The following UNC80 variants were observed in gnomAD, a reference collection of about 807,000 sequenced individuals.
UNC80 encodes unc-80 subunit of NALCN channel complex.
A neutral mutation model predicts 384.6 loss-of-function variants in UNC80; 164 were observed. The ratio of observed to expected loss-of-function variants is 0.43; its 90% CI spans 0.38 to 0.49. The LOEUF (loss-of-function observed/expected upper bound fraction) is 0.49, where lower values mean the gene tolerates loss of function less well. Among genes scored for constraint, UNC80 ranks in the 20% least tolerant of loss-of-function variants. UNC80 has a pLI of 0.00. For missense variants in UNC80, 3,330 were observed against 4,143.0 expected (o/e 0.80, Z 5.39); for synonymous variants, 1,486 against 1,527.8 (o/e 0.97, Z 0.64).
Position 209,815,340 on chromosome 2 carries a change from A to C in UNC80, c.1284A>C (p.Arg428Ser). 1 of 1,551,710 alleles carries C rather than the reference A, an allele frequency of 6.4e-7. No homozygotes were observed. ...AGGTTTCACTGACCAATCTGCGTAGATCTGCAGTCCCAGATCTTTCTTCAG... is the reference window on the plus strand; with the variant it reads ...AGGTTTCACTGACCAATCTGCGTAGCTCTGCAGTCCCAGATCTTTCTTCAG... ...FSKVSLTNLR[R>S]SAVPDLSSDL... Residue 428 changes from arginine to serine, a missense_variant, in exon 9 of 65, where the codon AGA becomes AGC. This residue lies in a region of UNC80 where 937 missense variants were observed against 1,026.8 expected (regional missense o/e 0.91). Coordinates refer to ENST00000673920, the MANE Select transcript of UNC80 (RefSeq NM_001371986.1).
At chr2:209,844,481 TTCCTTCCTTCCTTCCTTCCTTCC>T (rs1559185985) in intron 21 of UNC80, among the ~76,000 whole-genome samples, 35 of 62,756 alleles carry the variant, frequency 5.6e-4, no homozygotes, top group East Asian at 1.9e-3. Flanking sequence ...CTTTCTTTCC[TTCCTTCCTTCCTTCCTTCCTTCC>T]TTCCTTCCTT....
rs1050627019 is a variant in UNC80, at chr2:209,936,364, T to C, written c.6274-480T>C. On this transcript the variant is annotated intron_variant, in intron 40 of 64. Transcript: ENST00000673920. Reference sequence around the variant, plus strand: ...GAGATACTAGTTCAGGTTATACAAGTTATCTATGCCTAGTATATAGTATAT... The same window carrying C: ...GAGATACTAGTTCAGGTTATACAAGCTATCTATGCCTAGTATATAGTATAT... Among the ~76,000 whole-genome samples the C allele has an allele frequency of 3.3e-5, 5 of 152,336 alleles. No homozygotes were observed. The Middle Eastern group carries it at 0.01, about 311-fold the overall frequency.
chr2:209,775,604 T>G (rs1171488148), intron 2 of UNC80, among the ~76,000 whole-genome samples: 1 of 152,214 alleles, frequency 6.6e-6, no homozygotes, highest in Non-Finnish European at 1.5e-5. Flanking sequence ...AGAGGAAGCT[T>G]ATTTTAACAG....
rs999330706 is a variant in UNC80 at position 209,829,337 on chromosome 2, T to C, written c.2584T>C (p.Leu862=). 17 of 1,551,244 alleles carry C rather than the reference T, an allele frequency of 1.1e-5. No individual in the cohort carries two copies. The highest frequency in any genetic ancestry group is 1.5e-5 in the Non-Finnish European group (17 of 1,146,746). ...CTCTCTCAATAATGTAGTGGACTTC[T>C]TGCATGCTTTGCTAGGATTTTGTAT... ...KDSLNNVVDF[L]HALLGFCMEP... Residue 862 remains leucine (L), a synonymous_variant, in exon 15 of 65, where the codon TTG becomes CTG. Coordinates refer to ENST00000673920, the MANE Select transcript of UNC80 (RefSeq NM_001371986.1).
At position 209,849,407 on chromosome 2, in the gene UNC80, C is replaced by T. The variant is rs138546568; in HGVS notation, c.3455-44C>T. On this transcript the variant is annotated intron_variant, in intron 21 of 64. Coordinates refer to ENST00000673920, the MANE Select transcript of UNC80 (RefSeq NM_001371986.1). ...CTCTTTTTAAACCTGTGATCCTTTACGTTCTCTCTCTTTCATTCCTCCACC... is the reference window on the plus strand; with the variant it reads ...CTCTTTTTAAACCTGTGATCCTTTATGTTCTCTCTCTTTCATTCCTCCACC... 188 of 1,541,592 alleles carry T rather than the reference C, an allele frequency of 1.2e-4. No individual in the cohort carries two copies. The African/African-American group carries it at 2.0e-3, about 16-fold the overall frequency.
intron 22 of UNC80, among the ~76,000 whole-genome samples, chr2:209,862,876 A>C (rs1174604778): frequency 2.0e-5 from 3 of 151,936 alleles, no homozygotes; most frequent in Non-Finnish European, 4.4e-5. Flanking sequence ...TCCTCTCATC[A>C]TGAGGTTATT....
intron 23 of UNC80, among the ~76,000 whole-genome samples, chr2:209,874,467 C>T (rs1309378831): frequency 2.0e-5 from 3 of 152,198 alleles, no homozygotes; most frequent in African/African-American, 7.2e-5. Context: ...CAAGAGATTT[C>T]ACAAACAAGT....
intron 31 of UNC80, among the ~76,000 whole-genome samples, chr2:209,915,415 A>C (rs1447058462): frequency 1.3e-5 from 2 of 151,456 alleles, no homozygotes; most frequent in African/African-American, 2.4e-5. Flanking sequence ...AAAAAAAAAA[A>C]AAAAAAAAAC....
Position 209,902,909 on chromosome 2 carries a change from G to A in UNC80, c.4582-1856G>A, listed in dbSNP as rs1363051870. Among the ~76,000 whole-genome samples, 3 of 81,272 alleles carry A rather than the reference G, an allele frequency of 3.7e-5. 1 individual carries two copies. Among genetic ancestry groups the A allele is most frequent in the Non-Finnish European group, 6.9e-5 (3 of 43,334 alleles). The allele number at this position is 81,272 out of a possible 152,430, so 53.3% of individuals were successfully genotyped here. On this transcript the variant is annotated intron_variant, in intron 28 of 64. Coordinates refer to ENST00000673920, the MANE Select transcript of UNC80 (RefSeq NM_001371986.1). ...CCAAGGTATGCCTGTATACACGTGT[G>A]TGTGTGTGTGTGTGTGTGTGTGTGT...
chr2:209,993,188 A>G, intron 62 of UNC80, 127 bp from the exon 63 acceptor site: 1 of 676,466 alleles, frequency 1.5e-6, no homozygotes. Flanking sequence ...AATATGCAGA[A>G]ATAAATTTAT....
chr2:209,884,880 C>T (rs1487103387), intron 25 of UNC80, among the ~76,000 whole-genome samples: 1 of 151,878 alleles, frequency 6.6e-6, no homozygotes, highest in Non-Finnish European at 1.5e-5. Context: ...GGGAACAACA[C>T]ACACTGGGGT....
chr2:209,840,888 A>G (rs184429288), intron 20 of UNC80, among the ~76,000 whole-genome samples: 2 of 152,342 alleles, frequency 1.3e-5, no homozygotes, highest in South Asian at 2.1e-4. Context: ...TAATGCAGAT[A>G]TAGGGATGTA....
chr2:209,826,050 G>A lies in UNC80; in HGVS notation c.2475G>A (p.Glu825=). 1 of 1,547,110 alleles carries A rather than the reference G, an allele frequency of 6.5e-7. No individual in the cohort carries two copies. Among genetic ancestry groups the A allele is most frequent in the Non-Finnish European group, 8.7e-7 (1 of 1,145,286 alleles). ...GTCTGAGACACCAGGTATTCCGAGAGAATGTAAGAGAATTAAAGTAGATTC... is the reference window on the plus strand; with the variant it reads ...GTCTGAGACACCAGGTATTCCGAGAAAATGTAAGAGAATTAAAGTAGATTC... ...GDRLRHQVFR[E]NAQNCLTKLY... is the part of the protein sequence containing the mutation. Residue 825 remains glutamate (E), a synonymous_variant, in exon 14 of 65, where the codon GAG becomes GAA. Transcript: ENST00000673920.
chr2:209,963,054 A>T (rs2125004554), intron 51 of UNC80, among the ~76,000 whole-genome samples: 1 of 152,384 alleles, frequency 6.6e-6, no homozygotes, highest in East Asian at 1.9e-4. Context: ...GGCAATCTAT[A>T]CTTCTGAATT....
rs562939587 is a variant in UNC80, at chr2:209,824,938, C to T, written c.2332-969C>T. Among the ~76,000 whole-genome samples, 30 of 152,268 alleles carry T rather than the reference C, an allele frequency of 2.0e-4. 1 individual carries two copies. The East Asian group carries it at 3.9e-3, about 20-fold the overall frequency. On this transcript the variant is annotated intron_variant, in intron 13 of 64. Transcript: ENST00000673920. ...CAATTCTCATCCATTATTTAATTTG[C>T]TCTGCATAGTAAACCTATGAAGTAG...
At position 209,996,311 on chromosome 2, in the gene UNC80, C is replaced by T. The variant is rs1456735249; in HGVS notation, c.*716C>T. On this transcript the variant is annotated 3_prime_UTR_variant, in exon 65 of 65. Coordinates refer to ENST00000673920, the MANE Select transcript of UNC80 (RefSeq NM_001371986.1). ...TATTACAGAATATTCTAGAAATCAT[C>T]AGAAATAATTCTGAATTAAGAACCT... 3 of 152,134 alleles carry T rather than the reference C, an allele frequency of 2.0e-5. No individual in the cohort carries two copies. The highest frequency in any genetic ancestry group is 4.4e-5 in the Non-Finnish European group (3 of 67,998). The allele number at this position is 152,134 out of a possible 1,614,324, so 9.4% of individuals were successfully genotyped here. A position where few individuals can be genotyped will look rare whatever the true frequency, so the allele number is the denominator to read the frequency against.
chr2:209,966,393 T>C (rs1474161412), intron 51 of UNC80, among the ~76,000 whole-genome samples: 1 of 152,228 alleles, frequency 6.6e-6, no homozygotes, highest in Non-Finnish European at 1.5e-5. Context: ...TACCTCTTAA[T>C]ATTATCTTGT....
chr2:209,893,927 C>T (rs1392504504), intron 26 of UNC80, among the ~76,000 whole-genome samples: 1 of 152,144 alleles, frequency 6.6e-6, no homozygotes, highest in African/African-American at 2.4e-5. Context: ...GAAACCTGGG[C>T]CAGAAAGAGA....
chr2:209,860,231 T>G (rs1472466541), intron 22 of UNC80, among the ~76,000 whole-genome samples: 1 of 152,182 alleles, frequency 6.6e-6, no homozygotes, highest in Non-Finnish European at 1.5e-5. Flanking sequence ...GGCGTCCAGT[T>G]TCAGTTCTCT....
Sources: gnomAD v4.1 joint callset for allele counts (sites outside exome capture counted in the v4.1 genomes callset) on GRCh38, gnomAD v4.1.1 for gene constraint, gnomAD v4.1.1 regional missense constraint, MANE v1.5 for transcripts, NCBI Gene and HGNC (gene_info 2026-07-23, HGNC 2026-07-21) for gene names.